Variants in MATN2 observed in about 807,000 individuals in gnomAD.
The protein encoded by MATN2 is matrilin 2, also known as matrilin-2.
In MATN2, 69 loss-of-function variants were observed where a neutral mutation model predicts 103.2. The observed-to-expected ratio is 0.67, with a 90% CI of 0.55 to 0.82. The LOEUF (loss-of-function observed/expected upper bound fraction) is 0.82. Among genes scored for constraint, MATN2 ranks in the 40% least tolerant of loss-of-function variants. The probability of loss-of-function intolerance (pLI) is 0.00; values close to 1 mark genes in which losing one functional copy is unlikely to be tolerated. For missense variants in MATN2, 1,023 were observed against 1,211.5 expected (o/e 0.84, Z 2.31); for synonymous variants, 429 against 450.2 (o/e 0.95, Z 0.60).
intron 7 of MATN2, among the ~76,000 whole-genome samples, chr8:97,995,718 C>T (rs1227134935): frequency 6.6e-6 from 1 of 152,226 alleles, no homozygotes; most frequent in Non-Finnish European, 1.5e-5. Flanking sequence ...CTGCTCATAG[C>T]ACAGATTAAC....
chr8:97,999,942 G>A (rs535473534), intron 7 of MATN2, among the ~76,000 whole-genome samples: 8 of 150,626 alleles, frequency 5.3e-5, no homozygotes, highest in East Asian at 3.9e-4. Flanking sequence ...ATACAGTGGC[G>A]CGATCTTGGC....
chr8:98,003,599 GCTGCCATCAGCC>G (rs753680800), intron 7 of MATN2, 50 bp from the exon 8 acceptor site: 8 of 1,602,604 alleles, frequency 5.0e-6, no homozygotes, highest in Non-Finnish European at 6.8e-6. Flanking sequence ...GCCCCGAGGG[GCTGCCATCAGCC>G]CTGGGAGAGG....
rs547625618 is a variant in MATN2, at chr8:97,874,753, T to C, written c.-27+5466T>C. Among the ~76,000 whole-genome samples the C allele has an allele frequency of 1.6e-4, 25 of 151,692 alleles. No homozygotes were observed. The South Asian group carries it at 5.2e-3, about 32-fold the overall frequency. ...TTTTTTTTGAGACAGAGTCTTGCTC[T>C]GTTGCCCAGGCTGGAGTGCAGTGGT... On this transcript the variant is annotated intron_variant, in intron 1 of 18. Transcript: ENST00000254898.
At chr8:97,928,194 T>A (rs1189134414) in intron 2 of MATN2, among the ~76,000 whole-genome samples, 7 of 150,470 alleles carry the variant, frequency 4.7e-5, no homozygotes, top group African/African-American at 1.5e-4. Context: ...GGAGCCTTCA[T>A]GAAAATTAGA....
At chr8:98,024,654 G>A (rs1311822728) in intron 13 of MATN2, among the ~76,000 whole-genome samples, 8 of 152,242 alleles carry the variant, frequency 5.3e-5, no homozygotes, top group Admixed American at 3.9e-4. Flanking sequence ...GTCACTGGGT[G>A]AGGATGCTGT....
At chr8:97,965,838 G>A (rs564578457) in intron 5 of MATN2, among the ~76,000 whole-genome samples, 15 of 152,194 alleles carry the variant, frequency 9.9e-5, no homozygotes, top group Non-Finnish European at 1.9e-4. Flanking sequence ...TACAAAATTA[G>A]TCAGGCGTGG....
intron 16 of MATN2, 138 bp from the exon 17 acceptor site, chr8:98,032,904 A>C: frequency 1.6e-6 from 1 of 632,006 alleles, no homozygotes; most frequent in East Asian, 3.2e-5. Flanking sequence ...TGAAGATAAC[A>C]GTCTTTTTGC....
At position 98,027,587 on chromosome 8, in the gene MATN2, C is replaced by A. The variant is rs371472415; in HGVS notation, c.2114C>A (p.Thr705Lys). 5.9e-5 allele frequency: 96 copies of A among 1,613,774 alleles called. No individual in the cohort carries two copies. In the Admixed American group the frequency reaches 1.6e-3, roughly 26 times the overall value. Reference protein sequence around the residue: ...GLLQYSTQVHTEFTLRNFNSA... With the variant: ...GLLQYSTQVHKEFTLRNFNSA... ...CTCCAGTATTCCACACAGGTCCACACAGAGTTCACTCTGAGAAACTTCAAC... is the reference window on the plus strand; with the variant it reads ...CTCCAGTATTCCACACAGGTCCACAAAGAGTTCACTCTGAGAAACTTCAAC... The change falls in exon 14 of 19, where the codon ACA (threonine) becomes AAA (lysine). Residue 705 changes from threonine to lysine, a missense_variant. Physicochemically the swap from Thr to Lys is moderately conservative, Grantham distance 78 (BLOSUM62 -1). Coordinates refer to ENST00000254898, the MANE Select transcript of MATN2 (RefSeq NM_002380.5).
chr8:97,947,020 A>C (rs1810773441), intron 4 of MATN2, among the ~76,000 whole-genome samples: 1 of 152,210 alleles, frequency 6.6e-6, no homozygotes, highest in South Asian at 2.1e-4. Flanking sequence ...ATCAAGACCA[A>C]ATGGAGTTTA....
chr8:97,937,499 G>A (rs772281214), intron 3 of MATN2, among the ~76,000 whole-genome samples: 14 of 151,372 alleles, frequency 9.2e-5, no homozygotes, highest in Non-Finnish European at 1.9e-4. Flanking sequence ...TTCTCTTATG[G>A]CACATGGCCA....
intron 5 of MATN2, among the ~76,000 whole-genome samples, chr8:97,976,000 T>C (rs1811823608): frequency 6.6e-6 from 1 of 152,218 alleles, no homozygotes; most frequent in African/African-American, 2.4e-5. Flanking sequence ...TCCAATGACG[T>C]TGAGATCCTG....
chr8:97,985,229 G>T (rs555966769), intron 6 of MATN2, among the ~76,000 whole-genome samples: 1 of 152,166 alleles, frequency 6.6e-6, no homozygotes, highest in African/African-American at 2.4e-5. Context: ...GGAAGCAAGA[G>T]AGAAAGGATG....
At chr8:98,017,775 G>A (rs1307084685) in intron 11 of MATN2, among the ~76,000 whole-genome samples, 1 of 152,186 alleles carries the variant, frequency 6.6e-6, no homozygotes, top group East Asian at 1.9e-4. Flanking sequence ...AGTAGTGCTG[G>A]TGAACGATGA....
chr8:97,931,447 G>T lies in MATN2; in HGVS notation c.637G>T (p.Glu213Ter), dbSNP rs1196840910. 6.2e-7 allele frequency: 1 copy of T among 1,613,610 alleles called. No homozygotes were observed. Among genetic ancestry groups the T allele is most frequent in the Non-Finnish European group, 8.5e-7 (1 of 1,179,896 alleles). ...TLKSIGSEPH[E>*]DHVFLVANFS... ...GAAGTCCATTGGGAGTGAGCCCCAT[G>T]AGGACCATGTCTTCCTTGTGGCCAA... Residue 213 changes from glutamate to a stop codon, truncating the protein, a stop_gained, in exon 3 of 19, where the codon GAG becomes TAG. Coordinates refer to ENST00000254898, the MANE Select transcript of MATN2 (RefSeq NM_002380.5). LOFTEE classifies it high-confidence loss of function. The surrounding 1 kb of genome is among the most constrained non-coding windows in gnomAD (Gnocchi z 4.1).
intron 2 of MATN2, among the ~76,000 whole-genome samples, chr8:97,901,791 A>G (rs1586394315): frequency 1.3e-5 from 2 of 152,190 alleles, no homozygotes; most frequent in African/African-American, 4.8e-5. Flanking sequence ...AAAGAGATGG[A>G]AAACTCACTC....
chr8:98,016,028 C>T (rs1313521014), intron 10 of MATN2, among the ~76,000 whole-genome samples: 1 of 152,178 alleles, frequency 6.6e-6, no homozygotes, highest in Non-Finnish European at 1.5e-5. Context: ...TAATTTATCT[C>T]TCATTCTGTA....
At chr8:97,930,928 TA>T in intron 2 of MATN2, 24 bp from the exon 3 acceptor site, 1 of 1,553,876 alleles carries the variant, frequency 6.4e-7, no homozygotes, top group Non-Finnish European at 8.8e-7. Flanking sequence ...TCTTCTAATG[TA>T]TTTGACCTCT....
Position 97,994,620 on chromosome 8 carries a change from T to C in MATN2, c.1204+18T>C. The C allele has an allele frequency of 6.2e-7, 1 of 1,606,456 alleles. No homozygotes were observed. The highest frequency in any genetic ancestry group is 8.5e-7 in the Non-Finnish European group (1 of 1,177,752). ...CTGCAGAAGTAAGTTACAGTGGGAG[T>C]TGGAGAAGGGCTTGTTCTGCTAAAT... is the stretch of plus-strand genomic sequence containing the variant. On this transcript the variant is annotated intron_variant, in intron 7 of 18. Transcript: ENST00000254898.
At chr8:97,897,619 AT>A (rs895399649) in intron 2 of MATN2, among the ~76,000 whole-genome samples, 131 of 152,080 alleles carry the variant, frequency 8.6e-4, no homozygotes, top group African/African-American at 2.9e-3. Context: ...TTGTTTTAAA[AT>A]TTTTTTTTAA....
Sources: allele counts gnomAD v4.1 joint callset (sites outside exome capture counted in the v4.1 genomes callset), GRCh38; gene constraint gnomAD v4.1.1; non-coding constraint Gnocchi (gnomAD v3.1); transcripts MANE v1.5; gene names NCBI Gene and HGNC (gene_info 2026-07-23, HGNC 2026-07-21).